Variants in ROBO1 observed in about 807,000 individuals in gnomAD.
ROBO1 encodes roundabout homolog 1.
In ROBO1, 149 loss-of-function variants were observed where a neutral mutation model predicts 195.9. The ratio of observed to expected loss-of-function variants is 0.76; its 90% CI spans 0.67 to 0.87. The LOEUF is 0.87. Among genes scored for constraint, ROBO1 ranks in the 40% least tolerant of loss-of-function variants. ROBO1 has a pLI of 0.00. For synonymous variants in ROBO1, 816 were observed against 733.2 expected (o/e 1.11, Z -1.82); for missense variants, 1,933 against 2,068.3 (o/e 0.93, Z 1.27).
At chr3:79,389,643 T>G (rs1383576679) in intron 2 of ROBO1, among the ~76,000 whole-genome samples, 3 of 152,198 alleles carry the variant, frequency 2.0e-5, no homozygotes, top group African/African-American at 4.8e-5. Flanking sequence ...ACTTTGGCAG[T>G]GAGCTCTGAA....
rs555055797 is a variant in ROBO1, at chr3:79,079,993, T to C, written c.172+45463A>G. On this transcript the variant is annotated intron_variant, in intron 3 of 30. Coordinates refer to ENST00000464233, the MANE Select transcript of ROBO1 (RefSeq NM_002941.4). ...GAAACAAAGCTTCAGATGATGATAA[T>C]TTTTAATGGCATATGTTCTTGTTTC... 4.2e-4 allele frequency among the ~76,000 whole-genome samples: 64 copies of C among 151,816 alleles called. 1 individual carries two copies. The highest frequency in any genetic ancestry group is 6.3e-4 in the Non-Finnish European group (43 of 67,736).
At chr3:79,083,611 T>C (rs1195069542) in intron 3 of ROBO1, among the ~76,000 whole-genome samples, 1 of 152,204 alleles carries the variant, frequency 6.6e-6, no homozygotes, top group Non-Finnish European at 1.5e-5. Context: ...ACTGAAATAT[T>C]TGTCACTGGG....
At chr3:79,090,482 T>TTTCCC (rs772138092) in intron 3 of ROBO1, among the ~76,000 whole-genome samples, 14 of 135,750 alleles carry the variant, frequency 1.0e-4, no homozygotes, top group Non-Finnish European at 2.0e-4. Context: ...CTCCTGTTCC[T>TTTCCC]TTCCCTTCCC....
intron 8 of ROBO1, among the ~76,000 whole-genome samples, chr3:78,707,587 G>C (rs2081583839): frequency 1.3e-5 from 2 of 152,164 alleles, no homozygotes; most frequent in African/African-American, 4.8e-5. Flanking sequence ...TGAGAGACTA[G>C]AGTGACTTCA....
chr3:79,689,672 C>T (rs945067250), intron 1 of ROBO1, among the ~76,000 whole-genome samples: 9 of 151,928 alleles, frequency 5.9e-5, no homozygotes, highest in Non-Finnish European at 7.4e-5. Flanking sequence ...TGGAAACTAT[C>T]TTGCTTTTTC....
intron 1 of ROBO1, among the ~76,000 whole-genome samples, chr3:79,623,150 A>T (rs1003881439): frequency 6.6e-6 from 1 of 151,938 alleles, no homozygotes; most frequent in East Asian, 1.9e-4. Context: ...AACAACAACA[A>T]CAACAACAAC....
intron 2 of ROBO1, among the ~76,000 whole-genome samples, chr3:79,339,701 A>G (rs1248077618): frequency 6.6e-6 from 1 of 152,152 alleles, no homozygotes; most frequent in African/African-American, 2.4e-5. Context: ...ATCTTATCCC[A>G]CTAAGCATTA....
intron 2 of ROBO1, among the ~76,000 whole-genome samples, chr3:79,578,957 T>C (rs959784716): frequency 2.0e-5 from 3 of 152,216 alleles, no homozygotes; most frequent in Non-Finnish European, 4.4e-5. Context: ...TACGCTTATG[T>C]TTAATAGCTT....
rs141119696 is a variant in ROBO1 at position 79,520,834 on chromosome 3, A to G, written c.88+68990T>C. Among the ~76,000 whole-genome samples, 486 of 151,068 alleles carry G rather than the reference A, an allele frequency of 3.2e-3. 7 individuals are homozygous for G. Among genetic ancestry groups the G allele is most frequent in the East Asian group, 0.02 (105 of 5,148 alleles). ...TGAAACACTAACCTAGAAGCAAACCAGAGCCAAAAAAAAAAACACTTTTAT... is the reference window on the plus strand; with the variant it reads ...TGAAACACTAACCTAGAAGCAAACCGGAGCCAAAAAAAAAAACACTTTTAT... On this transcript the variant is annotated intron_variant, in intron 2 of 30. Coordinates refer to ENST00000464233, the MANE Select transcript of ROBO1 (RefSeq NM_002941.4).
intron 5 of ROBO1, among the ~76,000 whole-genome samples, chr3:78,739,105 C>A (rs1513259): frequency 1 from 152,265 of 152,296 alleles, 76,117 homozygotes; most frequent in Middle Eastern, 1. Flanking sequence ...CATATCAGCT[C>A]AGAATTTGAA....
chr3:79,524,168 A>AGAGTGTGT (rs143764416), intron 2 of ROBO1, among the ~76,000 whole-genome samples: 1 of 150,640 alleles, frequency 6.6e-6, no homozygotes, highest in Admixed American at 6.6e-5. Context: ...ATTTGAAGTA[A>AGAGTGTGT]GTGTGTGTGT....
At chr3:79,425,966 T>G (rs1186312211) in intron 2 of ROBO1, among the ~76,000 whole-genome samples, 1 of 152,192 alleles carries the variant, frequency 6.6e-6, no homozygotes, top group Non-Finnish European at 1.5e-5. Flanking sequence ...TTTTTAAATT[T>G]TTCACATAGA....
intron 4 of ROBO1, among the ~76,000 whole-genome samples, chr3:78,849,839 C>CAT (rs2033931569): frequency 1.3e-5 from 2 of 149,404 alleles, no homozygotes; most frequent in Admixed American, 1.3e-4. Context: ...ATTACACACA[C>CAT]ACACACACAC....
chr3:79,005,185 C>A (rs916424794), intron 3 of ROBO1, among the ~76,000 whole-genome samples: 15 of 152,172 alleles, frequency 9.9e-5, no homozygotes. Flanking sequence ...TGAATCAGCT[C>A]TCCTTGCCCA....
At chr3:79,290,824 T>A (rs554363747) in intron 2 of ROBO1, among the ~76,000 whole-genome samples, 10 of 152,320 alleles carry the variant, frequency 6.6e-5, no homozygotes, top group African/African-American at 2.2e-4. Flanking sequence ...TTTTCTTTTC[T>A]GAGCTATATC....
chr3:79,003,419 A>AT (rs1302608041), intron 3 of ROBO1, among the ~76,000 whole-genome samples: 1 of 152,174 alleles, frequency 6.6e-6, no homozygotes, highest in African/African-American at 2.4e-5. Flanking sequence ...ACAAAACTTG[A>AT]TAAAGACTAC....
rs1249556773 is a variant in ROBO1 at position 78,960,833 on chromosome 3, C to CAA, written c.173-21908_173-21907dup. Among the ~76,000 whole-genome samples the CAA allele has an allele frequency of 2.4e-5, 3 of 123,840 alleles. No individual in the cohort carries two copies. The Admixed American group carries it at 2.5e-4, about 10-fold the overall frequency. The allele number at this position is 123,840 out of a possible 152,430, so 81.2% of individuals were successfully genotyped here. A position where few individuals can be genotyped will look rare whatever the true frequency, so the allele number is the denominator to read the frequency against. On this transcript the variant is annotated intron_variant, in intron 3 of 30. Coordinates refer to ENST00000464233, the MANE Select transcript of ROBO1 (RefSeq NM_002941.4). ...ACACACACACACACACACACACACA[C>CAA]AAAATGAAAATGGTACAGGGTACAG... is the stretch of plus-strand genomic sequence containing the variant.
chr3:79,136,508 A>T (rs962436658), intron 2 of ROBO1, among the ~76,000 whole-genome samples: 3 of 152,144 alleles, frequency 2.0e-5, no homozygotes, highest in Non-Finnish European at 4.4e-5. Flanking sequence ...CAATATGAGA[A>T]TTGTGTTCTA....
chr3:78,956,397 T>G (rs2041050613), intron 3 of ROBO1, among the ~76,000 whole-genome samples: 1 of 152,168 alleles, frequency 6.6e-6, no homozygotes, highest in Non-Finnish European at 1.5e-5. Context: ...AACGCAACTT[T>G]GAAAGGGAAA....
Sources: gnomAD v4.1 joint callset for allele counts (sites outside exome capture counted in the v4.1 genomes callset) on GRCh38, gnomAD v4.1.1 for gene constraint, MANE v1.5 for transcripts, NCBI Gene and HGNC (gene_info 2026-07-23, HGNC 2026-07-21) for gene names.